The following ZNF146 variants were observed in gnomAD, a reference collection of about 807,000 sequenced individuals.
ZNF146 encodes the protein zinc finger protein OZF.
Under a neutral mutation model 22.2 loss-of-function variants are expected in ZNF146, and 9 were observed. The observed-to-expected ratio is 0.41, with a 90% CI of 0.24 to 0.71. The LOEUF (loss-of-function observed/expected upper bound fraction) is 0.71. Among genes scored for constraint, ZNF146 ranks in the 30% least tolerant of loss-of-function variants. The probability of loss-of-function intolerance (pLI) is 0.34; values close to 1 mark genes in which losing one functional copy is unlikely to be tolerated. For missense variants in ZNF146, 194 were observed against 344.8 expected (o/e 0.56, Z 3.46); for synonymous variants, 108 against 119.2 (o/e 0.91, Z 0.61).
Position 36,229,088 on chromosome 19 carries a change from TCTC to T in ZNF146, c.-783+272_-783+274del, listed in dbSNP as rs1977207436. Among the ~76,000 whole-genome samples the T allele has an allele frequency of 1.2e-4, 18 of 152,342 alleles. No homozygotes were observed. In the South Asian group the frequency reaches 3.5e-3, roughly 30 times the overall value. On this transcript the variant is annotated intron_variant, in intron 3 of 3. Coordinates refer to ENST00000443387, the MANE Select transcript of ZNF146 (RefSeq NM_007145.3). Reference sequence around the variant, plus strand: ...TCTGTGCCGCCACTGTGGTGGCTGTTCTCCTTCATCCACATACCTTTTCCTGTC... The same window carrying T: ...TCTGTGCCGCCACTGTGGTGGCTGTTCTTCATCCACATACCTTTTCCTGTC...
chr19:36,222,463 G>A (rs1447419800), intron 2 of ZNF146, among the ~76,000 whole-genome samples: 1 of 152,084 alleles, frequency 6.6e-6, no homozygotes, highest in Non-Finnish European at 1.5e-5. Flanking sequence ...TACAAATGGC[G>A]CTGCCCAGTG....
intron 3 of ZNF146, among the ~76,000 whole-genome samples, chr19:36,233,570 G>C (rs1349297108): frequency 6.6e-6 from 1 of 152,182 alleles, no homozygotes; most frequent in African/African-American, 2.4e-5. Flanking sequence ...GTTTCTCGGA[G>C]AGGGGGATGT....
intron 2 of ZNF146, among the ~76,000 whole-genome samples, chr19:36,223,471 TC>T (rs1452833041): frequency 6.6e-6 from 1 of 151,564 alleles, no homozygotes; most frequent in Non-Finnish European, 1.5e-5. Context: ...CACGCCATTC[TC>T]CTGCCTCAGC....
In ZNF146 at chr19:36,236,333, TATA is replaced by T. The variant is rs1977642770; in HGVS notation, c.-106_-104del. The T allele has an allele frequency of 7.5e-7, 1 of 1,341,310 alleles. No homozygotes were observed. 83.1% of individuals were successfully genotyped at this position (1,341,310 alleles called of 1,614,324 possible). The stretch of plus-strand genomic sequence containing the variant: ...TGGGAGATCATACACAGAGAAGCCT[TATA>T]AATGTAAGAGATGTGGAAATATCTT... On this transcript the variant is annotated 5_prime_UTR_variant, in exon 4 of 4. The change abolishes the stop of an existing upstream ORF in the 5' untranslated region. Transcript: ENST00000443387.
At chr19:36,219,939 G>C (rs1432303430) in intron 2 of ZNF146, among the ~76,000 whole-genome samples, 1 of 150,532 alleles carries the variant, frequency 6.6e-6, no homozygotes, top group Non-Finnish European at 1.5e-5. Flanking sequence ...TTTTCCCCCT[G>C]GCTTTTTCTT....
chr19:36,217,656 A>C (rs959970586), intron 1 of ZNF146, among the ~76,000 whole-genome samples: 1 of 152,056 alleles, frequency 6.6e-6, no homozygotes, highest in South Asian at 2.1e-4. Flanking sequence ...AGGCCAACGC[A>C]GGCGGATCAC....
chr19:36,221,100 C>T (rs1976816367), intron 2 of ZNF146, among the ~76,000 whole-genome samples: 1 of 152,024 alleles, frequency 6.6e-6, no homozygotes. Flanking sequence ...CTCGTCTTGG[C>T]CTCCCAAAGT....
chr19:36,221,429 T>C (rs2432044), intron 2 of ZNF146, among the ~76,000 whole-genome samples: 95,882 of 151,220 alleles, frequency 0.63, 30,579 homozygotes, highest in Middle Eastern at 0.71. Flanking sequence ...GCTGGGACTA[T>C]AGGTGTCAGC....
chr19:36,221,464 A>G (rs1276645696), intron 2 of ZNF146, among the ~76,000 whole-genome samples: 1 of 151,426 alleles, frequency 6.6e-6, no homozygotes, highest in African/African-American at 2.4e-5. Flanking sequence ...AATTTTTTGT[A>G]TTTTTAGTAG....
chr19:36,234,261 ATG>A (rs1372045170), intron 3 of ZNF146, among the ~76,000 whole-genome samples: 1 of 152,164 alleles, frequency 6.6e-6, no homozygotes, highest in African/African-American at 2.4e-5. Context: ...ACAGAACAAA[ATG>A]GAGTCTCTTA....
At chr19:36,220,112 G>A (rs548234820) in intron 2 of ZNF146, among the ~76,000 whole-genome samples, 3 of 152,214 alleles carry the variant, frequency 2.0e-5, no homozygotes, top group African/African-American at 7.2e-5. Flanking sequence ...CTTCCTCCCA[G>A]ACTTGGAATT....
chr19:36,224,304 A>C (rs2438516), intron 2 of ZNF146, among the ~76,000 whole-genome samples: 96,523 of 152,066 alleles, frequency 0.63, 30,844 homozygotes, highest in Middle Eastern at 0.71. Flanking sequence ...TCGCTTGAAC[A>C]TAGGAGGGCG....
intron 2 of ZNF146, among the ~76,000 whole-genome samples, chr19:36,223,808 G>A (rs1472941312): frequency 5.3e-5 from 8 of 151,672 alleles, no homozygotes; most frequent in African/African-American, 1.5e-4. Flanking sequence ...GTGCAGTGGC[G>A]TGATCACAGC....
At chr19:36,230,121 A>G (rs1475732929) in intron 3 of ZNF146, among the ~76,000 whole-genome samples, 1 of 152,240 alleles carries the variant, frequency 6.6e-6, no homozygotes, top group African/African-American at 2.4e-5. Flanking sequence ...ATTGCTTTGC[A>G]GAAATATGCA....
intron 2 of ZNF146, among the ~76,000 whole-genome samples, chr19:36,223,654 C>A (rs548728351): frequency 6.3e-5 from 9 of 142,398 alleles, no homozygotes; most frequent in Admixed American, 3.6e-4. Flanking sequence ...TGAGCCACCG[C>A]GCGTGGCTGA....
intron 2 of ZNF146, among the ~76,000 whole-genome samples, chr19:36,218,863 C>T (rs1976722481): frequency 6.6e-6 from 1 of 150,796 alleles, no homozygotes; most frequent in East Asian, 2.0e-4. Flanking sequence ...GGCTGGAGTG[C>T]AGTGGTGCTA....
intron 2 of ZNF146, among the ~76,000 whole-genome samples, chr19:36,225,904 G>T (rs10409983): frequency 1.3e-5 from 2 of 151,560 alleles, no homozygotes; most frequent in Non-Finnish European, 2.9e-5. Context: ...GGGACTACAG[G>T]CATGTACCAC....
At chr19:36,234,639 C>A (rs56262158) in intron 3 of ZNF146, among the ~76,000 whole-genome samples, 45 of 152,262 alleles carry the variant, frequency 3.0e-4, no homozygotes, top group Admixed American at 2.5e-3. Context: ...CCTCGTGATC[C>A]GCCCACCTCG....
intron 2 of ZNF146, among the ~76,000 whole-genome samples, chr19:36,220,923 C>T (rs10426716): frequency 0.014 from 2,052 of 150,328 alleles, 41 homozygotes; most frequent in African/African-American, 0.046. Context: ...GTGATCTTGG[C>T]TCACTTGCAA....
Sources: gnomAD v4.1 joint callset for allele counts (sites outside exome capture counted in the v4.1 genomes callset) on GRCh38, gnomAD v4.1.1 for gene constraint, MANE v1.5 for transcripts, NCBI Gene and HGNC (gene_info 2026-07-23, HGNC 2026-07-21) for gene names.